The following TEX9 variants were observed in gnomAD, a reference collection of about 807,000 sequenced individuals.
The protein encoded by TEX9 is testis expressed 9, also known as testis-expressed protein 9.
A neutral mutation model predicts 59.6 loss-of-function variants in TEX9; 74 were observed. That is an observed-to-expected ratio of 1.24 (90% CI 1.03 to 1.51). The LOEUF is 1.51. TEX9 is among the 40% of genes most tolerant of loss of function. TEX9 has a pLI of 0.00. For synonymous variants in TEX9, 186 were observed against 152.2 expected (o/e 1.22, Z -1.64); for missense variants, 522 against 447.8 (o/e 1.17, Z -1.49).
At chr15:56,260,193 T>C (rs1429800971) in intron 1 of TEX9, among the ~76,000 whole-genome samples, 3 of 152,116 alleles carry the variant, frequency 2.0e-5, no homozygotes, top group African/African-American at 7.2e-5. Flanking sequence ...AATGACACTT[T>C]TACTTCCTTC....
chr15:56,411,765 T>C (rs1269529920), intron 9 of TEX9, among the ~76,000 whole-genome samples: 1 of 152,188 alleles, frequency 6.6e-6, no homozygotes, highest in Non-Finnish European at 1.5e-5. Flanking sequence ...TGCAGAAATA[T>C]AAGACTAAAC....
At chr15:56,358,085 A>G (rs909305173) in intron 1 of TEX9, among the ~76,000 whole-genome samples, 2 of 152,180 alleles carry the variant, frequency 1.3e-5, no homozygotes, top group Non-Finnish European at 2.9e-5. Flanking sequence ...ACCAGTCTAA[A>G]TGACTTTTAG....
intron 3 of TEX9, among the ~76,000 whole-genome samples, chr15:56,383,674 A>G (rs2047835806): frequency 6.6e-6 from 1 of 152,162 alleles, no homozygotes; most frequent in South Asian, 2.1e-4. Context: ...GGAAGACTCT[A>G]AAGGGCTGGG....
At chr15:56,369,029 C>G (rs1274661704) in intron 2 of TEX9, among the ~76,000 whole-genome samples, 1 of 151,892 alleles carries the variant, frequency 6.6e-6, no homozygotes, top group Non-Finnish European at 1.5e-5. Flanking sequence ...TTAAATTTCT[C>G]TCCAACTGTA....
At chr15:56,247,502 A>G (rs189421677) in intron 1 of TEX9, among the ~76,000 whole-genome samples, 28 of 152,290 alleles carry the variant, frequency 1.8e-4, no homozygotes, top group African/African-American at 6.3e-4. Context: ...ATTTCAGATA[A>G]AGGGAGTAAC....
chr15:56,266,841 C>T (rs558927076), intron 1 of TEX9, among the ~76,000 whole-genome samples: 2 of 152,268 alleles, frequency 1.3e-5, no homozygotes, highest in East Asian at 3.9e-4. Context: ...GGTATATACC[C>T]AGTAATGGAT....
At chr15:56,307,375 A>G (rs1192944879) in intron 1 of TEX9, among the ~76,000 whole-genome samples, 6 of 152,182 alleles carry the variant, frequency 3.9e-5, no homozygotes, top group African/African-American at 1.2e-4. Flanking sequence ...ACCAATCTGG[A>G]CAGCTGTTTC....
chr15:56,336,779 G>A (rs1203409747), intron 1 of TEX9, among the ~76,000 whole-genome samples: 3 of 152,126 alleles, frequency 2.0e-5, no homozygotes. Flanking sequence ...TCCTGAATTA[G>A]GGCAAGGGAA....
intron 12 of TEX9, among the ~76,000 whole-genome samples, chr15:56,439,618 A>G (rs2050784951): frequency 2.6e-5 from 4 of 152,154 alleles, no homozygotes; most frequent in Admixed American, 2.6e-4. Flanking sequence ...AATGTTGGAG[A>G]AACAGCCATT....
the TEX9 span, among the ~76,000 whole-genome samples, chr15:56,455,268 A>C: frequency 4.0e-5 from 6 of 151,424 alleles, no homozygotes; most frequent in East Asian, 7.7e-4. Context: ...AAAAAAAAAA[A>C]AAACCATGAG....
chr15:56,290,800 T>C (rs1300501765), intron 1 of TEX9, among the ~76,000 whole-genome samples: 1 of 151,592 alleles, frequency 6.6e-6, no homozygotes, highest in East Asian at 1.9e-4. Flanking sequence ...TTTTTTTTTC[T>C]TTTTCTCCAT....
intron 1 of TEX9, among the ~76,000 whole-genome samples, chr15:56,300,124 C>A (rs1168758851): frequency 6.6e-6 from 1 of 152,132 alleles, no homozygotes; most frequent in Non-Finnish European, 1.5e-5. Flanking sequence ...CCGCCCTGGA[C>A]CAGAAGGGAG....
chr15:56,387,421 AT>A (rs1322051770), intron 4 of TEX9, among the ~76,000 whole-genome samples: 4 of 151,974 alleles, frequency 2.6e-5, no homozygotes, highest in African/African-American at 9.7e-5. Context: ...AGTTTCTGTA[AT>A]TTTTAACATA....
intron 1 of TEX9, among the ~76,000 whole-genome samples, chr15:56,257,225 G>A (rs2044164224): frequency 1.3e-5 from 2 of 152,002 alleles, no homozygotes; most frequent in South Asian, 4.1e-4. Context: ...GTTTGCTATT[G>A]TGAACAGTGC....
At chr15:56,250,407 C>T (rs1408114212) in intron 1 of TEX9, among the ~76,000 whole-genome samples, 3 of 152,040 alleles carry the variant, frequency 2.0e-5, no homozygotes, top group Admixed American at 6.5e-5. Context: ...GAGACAAGTC[C>T]GAAGGGAAAG....
chr15:56,287,690 T>A (rs779409275), intron 1 of TEX9, among the ~76,000 whole-genome samples: 6 of 152,138 alleles, frequency 3.9e-5, no homozygotes, highest in African/African-American at 7.2e-5. Flanking sequence ...TATAACCCCA[T>A]CAGACTCATG....
chr15:56,404,472 A>C (rs1413124300), intron 9 of TEX9, among the ~76,000 whole-genome samples: 1 of 152,232 alleles, frequency 6.6e-6, no homozygotes, highest in East Asian at 1.9e-4. Context: ...ATCATTAAAA[A>C]GTTAGCAAAC....
intron 12 of TEX9, chr15:56,428,708 A>C: frequency 2.7e-6 from 1 of 374,140 alleles, no homozygotes; most frequent in Non-Finnish European, 4.8e-6. Flanking sequence ...CCCTTACAGT[A>C]GACCAAAAAA....
chr15:56,341,128 T>C (rs1162845494), intron 1 of TEX9, among the ~76,000 whole-genome samples: 1 of 152,136 alleles, frequency 6.6e-6, no homozygotes, highest in African/African-American at 2.4e-5. Flanking sequence ...AAGATGAGGG[T>C]TTCTTTAATT....
Sources: gnomAD v4.1 joint callset for allele counts (sites outside exome capture counted in the v4.1 genomes callset) on GRCh38, gnomAD v4.1.1 for gene constraint, MANE v1.5 for transcripts, NCBI Gene and HGNC (gene_info 2026-07-23, HGNC 2026-07-21) for gene names.